Variants in MKLN1 observed in about 807,000 individuals in gnomAD.
MKLN1 encodes the protein muskelin 1.
A neutral mutation model predicts 99.0 loss-of-function variants in MKLN1; 18 were observed. That is an observed-to-expected ratio of 0.18 (90% CI 0.13 to 0.27). The LOEUF is 0.27. Ranked by LOEUF, MKLN1 falls within the 10% of genes least tolerant of loss-of-function variation. The pLI, the probability that MKLN1 is intolerant of heterozygous loss-of-function variation, is 1.00. For synonymous variants in MKLN1, 288 were observed against 293.2 expected (o/e 0.98, Z 0.18); for missense variants, 621 against 875.9 (o/e 0.71, Z 3.67).
intron 2 of MKLN1, among the ~76,000 whole-genome samples, chr7:131,159,020 G>A (rs965279699): frequency 6.6e-6 from 1 of 151,586 alleles, no homozygotes; most frequent in African/African-American, 2.4e-5. Context: ...GTGAAACCTT[G>A]TCTCTACAAA....
chr7:131,175,397 C>T (rs1232950221), intron 2 of MKLN1, among the ~76,000 whole-genome samples: 1 of 152,156 alleles, frequency 6.6e-6, no homozygotes, highest in Non-Finnish European at 1.5e-5. Context: ...TTAGTCAGGT[C>T]ATTCTAAGTA....
At chr7:131,292,097 G>A (rs141725485) in intron 3 of MKLN1, among the ~76,000 whole-genome samples, 1 of 152,228 alleles carries the variant, frequency 6.6e-6, no homozygotes, top group East Asian at 1.9e-4. Flanking sequence ...ACAGAGCCAG[G>A]CCCTGTCTCT....
At chr7:131,435,884 T>G (rs1352839628) in intron 9 of MKLN1, among the ~76,000 whole-genome samples, 1 of 152,062 alleles carries the variant, frequency 6.6e-6, no homozygotes, top group Non-Finnish European at 1.5e-5. Context: ...ATTCTATTGA[T>G]TTATCTTTAT....
intron 2 of MKLN1, among the ~76,000 whole-genome samples, chr7:131,151,533 A>G (rs753715098): frequency 3.9e-5 from 6 of 152,204 alleles, no homozygotes; most frequent in Non-Finnish European, 8.8e-5. Flanking sequence ...ATTTTCATAA[A>G]CTATGATCTG....
intron 6 of MKLN1, among the ~76,000 whole-genome samples, chr7:131,403,682 A>G (rs1370745570): frequency 1.3e-5 from 2 of 152,312 alleles, no homozygotes; most frequent in East Asian, 1.9e-4. Context: ...GTTGCATCTC[A>G]GGGAATAGGG....
At chr7:131,249,023 C>G (rs1382251675) in intron 3 of MKLN1, among the ~76,000 whole-genome samples, 5 of 152,218 alleles carry the variant, frequency 3.3e-5, no homozygotes, top group African/African-American at 4.8e-5. Flanking sequence ...TTTTCCATTC[C>G]TGAGATTACC....
intron 3 of MKLN1, among the ~76,000 whole-genome samples, chr7:131,231,311 G>A (rs568311048): frequency 1.3e-5 from 2 of 152,144 alleles, no homozygotes; most frequent in Non-Finnish European, 2.9e-5. Flanking sequence ...TCAAAAGATA[G>A]TTGGGACAAA....
intron 4 of MKLN1, among the ~76,000 whole-genome samples, chr7:131,391,087 A>G (rs929174528): frequency 6.6e-6 from 1 of 152,014 alleles, no homozygotes; most frequent in Non-Finnish European, 1.5e-5. Context: ...TTTAAGTAAT[A>G]TAAGGAAAAT....
intron 4 of MKLN1, among the ~76,000 whole-genome samples, chr7:131,393,211 A>G (rs1190723474): frequency 1.3e-5 from 2 of 152,184 alleles, no homozygotes; most frequent in African/African-American, 4.8e-5. Context: ...TAGCCTTGGG[A>G]TATGTATTAG....
intron 3 of MKLN1, among the ~76,000 whole-genome samples, chr7:131,293,094 G>C (rs914013974): frequency 5.3e-5 from 8 of 152,284 alleles, no homozygotes; most frequent in African/African-American, 1.9e-4. Flanking sequence ...CAGAGTGCCA[G>C]CTGTAAACCT....
intron 3 of MKLN1, among the ~76,000 whole-genome samples, chr7:131,254,797 T>C (rs1022145127): frequency 1.3e-5 from 2 of 151,786 alleles, no homozygotes; most frequent in Non-Finnish European, 2.9e-5. Flanking sequence ...CTCAGAGGAA[T>C]GTGAAATACC....
chr7:131,427,480 G>C (rs974546417), intron 8 of MKLN1, among the ~76,000 whole-genome samples: 4 of 152,110 alleles, frequency 2.6e-5, no homozygotes, highest in Admixed American at 6.6e-5. Context: ...ATAATAATTG[G>C]TGGGCTTATA....
At chr7:131,482,270 C>T (rs544912801) in intron 17 of MKLN1, among the ~76,000 whole-genome samples, 19 of 152,146 alleles carry the variant, frequency 1.2e-4, no homozygotes, top group Non-Finnish European at 2.1e-4. Context: ...TCATGGCTCA[C>T]TGCAGCCTGG....
chr7:131,434,824 A>T (rs1338032803), intron 9 of MKLN1, among the ~76,000 whole-genome samples: 1 of 151,994 alleles, frequency 6.6e-6, no homozygotes, highest in Non-Finnish European at 1.5e-5. Context: ...TCCCAAAGTG[A>T]TGGGGTTACA....
chr7:131,119,164 A>G (rs1487943959), intron 1 of MKLN1, among the ~76,000 whole-genome samples: 1 of 152,268 alleles, frequency 6.6e-6, no homozygotes, highest in Non-Finnish European at 1.5e-5. Flanking sequence ...TTGGGTAAAT[A>G]CTGCCATTCC....
At chr7:131,295,196 A>AGAGTGTC (rs1798272682) in intron 3 of MKLN1, among the ~76,000 whole-genome samples, 1 of 152,160 alleles carries the variant, frequency 6.6e-6, no homozygotes, top group Admixed American at 6.5e-5. Context: ...TTGTAAAGAC[A>AGAGTGTC]GAGTGTCACT....
chr7:131,331,189 T>C (rs1369949976), intron 1 of MKLN1, among the ~76,000 whole-genome samples: 1 of 152,198 alleles, frequency 6.6e-6, no homozygotes, highest in Non-Finnish European at 1.5e-5. Flanking sequence ...GTATTTTATA[T>C]ATGTTTTGTG....
At chr7:131,111,249 A>G (rs543208210) in intron 1 of MKLN1, among the ~76,000 whole-genome samples, 7 of 152,296 alleles carry the variant, frequency 4.6e-5, no homozygotes, top group African/African-American at 1.7e-4. Flanking sequence ...GCTGCTCTCT[A>G]ATCACCAGCG....
At chr7:131,226,446 G>C (rs1224718126) in intron 3 of MKLN1, among the ~76,000 whole-genome samples, 2 of 152,110 alleles carry the variant, frequency 1.3e-5, no homozygotes, top group Non-Finnish European at 2.9e-5. Flanking sequence ...CCATTGAGAG[G>C]CTTTTAGATG....
Sources: gnomAD v4.1 joint callset for allele counts (sites outside exome capture counted in the v4.1 genomes callset) on GRCh38, gnomAD v4.1.1 for gene constraint, MANE v1.5 for transcripts, NCBI Gene and HGNC (gene_info 2026-07-23, HGNC 2026-07-21) for gene names.